The following FAM110B variants were observed in gnomAD, a reference collection of about 807,000 sequenced individuals.
The protein encoded by FAM110B is family with sequence similarity 110 member B.
In FAM110B, 6 loss-of-function variants were observed where a neutral mutation model predicts 20.4. The observed-to-expected ratio is 0.29, with a 90% confidence interval of 0.16 to 0.58. The LOEUF is 0.58. Ranked by LOEUF, FAM110B falls within the 20% of genes least tolerant of loss-of-function variation. The pLI, the probability that FAM110B is intolerant of heterozygous loss-of-function variation, is 0.90. For synonymous variants in FAM110B, 226 were observed against 214.1 expected (o/e 1.06, Z -0.49); for missense variants, 434 against 498.2 (o/e 0.87, Z 1.23).
intron 3 of FAM110B, among the ~76,000 whole-genome samples, chr8:58,125,937 TAGTAC>T (rs1807491461): frequency 6.6e-6 from 1 of 152,196 alleles, no homozygotes; most frequent in Non-Finnish European, 1.5e-5. Flanking sequence ...TATATAATTA[TAGTAC>T]AGTATCAAAC....
chr8:58,038,565 A>G (rs1219688034), intron 2 of FAM110B, among the ~76,000 whole-genome samples: 3 of 152,220 alleles, frequency 2.0e-5, no homozygotes, highest in Non-Finnish European at 4.4e-5. Context: ...CGGCCTGGCC[A>G]ACATGGTGAA....
At chr8:58,074,611 C>G (rs1330274682) in intron 2 of FAM110B, among the ~76,000 whole-genome samples, 1 of 152,136 alleles carries the variant, frequency 6.6e-6, no homozygotes, top group Non-Finnish European at 1.5e-5. Context: ...TCGTCTTAAC[C>G]CCCAGAGCCT....
chr8:58,051,582 C>T (rs1299339348), intron 2 of FAM110B, among the ~76,000 whole-genome samples: 4 of 151,938 alleles, frequency 2.6e-5, no homozygotes, highest in African/African-American at 7.3e-5. Flanking sequence ...TCGGAGAGGC[C>T]GTGTGCTTGT....
intron 1 of FAM110B, among the ~76,000 whole-genome samples, chr8:58,019,019 C>A (rs1416268644): frequency 6.6e-6 from 1 of 152,038 alleles, no homozygotes; most frequent in African/African-American, 2.4e-5. Context: ...TTTTACTTTT[C>A]AGCCAAATAT....
At chr8:58,043,330 G>T (rs930498536) in intron 2 of FAM110B, 8 of 152,228 alleles carry the variant, frequency 5.3e-5, no homozygotes, top group Non-Finnish European at 8.8e-5. Context: ...CAGACCTAAT[G>T]ATTACTTCAA....
intron 3 of FAM110B, among the ~76,000 whole-genome samples, chr8:58,082,072 A>G (rs190819261): frequency 5.4e-4 from 82 of 152,296 alleles, no homozygotes; most frequent in Non-Finnish European, 9.8e-4. Flanking sequence ...CTGTACAGGG[A>G]GCTGCGAGCA....
In FAM110B at chr8:58,044,709, T is replaced by C. The variant is rs143258847; in HGVS notation, c.-414+13006T>C. Among the ~76,000 whole-genome samples, 299 of 152,262 alleles carry C rather than the reference T, an allele frequency of 2.0e-3. 1 individual carries two copies. Among genetic ancestry groups the C allele is most frequent in the Non-Finnish European group, 2.7e-3 (182 of 68,020 alleles). On this transcript the variant is annotated intron_variant, in intron 2 of 3. Transcript: ENST00000519262. ...GAAAATAAAAACCAAATGGAAATAT[T>C]TCAGCTGTCATTTAGCTTGAAACAA...
chr8:58,042,964 A>G (rs1805250512), intron 2 of FAM110B, among the ~76,000 whole-genome samples: 1 of 152,178 alleles, frequency 6.6e-6, no homozygotes, highest in Admixed American at 6.5e-5. Context: ...TCTCTCTCAT[A>G]GCACCAGGAG....
At chr8:58,038,141 C>G (rs1391942589) in intron 2 of FAM110B, among the ~76,000 whole-genome samples, 3 of 152,194 alleles carry the variant, frequency 2.0e-5, no homozygotes, top group Admixed American at 6.5e-5. Context: ...GTGGTCCTCT[C>G]CCTGAGTGAT....
In FAM110B at chr8:58,146,590, C is replaced by A. The variant is rs1222741385; in HGVS notation, c.360C>A (p.Ile120=). ...GVQRENLKLE[I]LKNIINSSEG... Reference sequence around the variant, plus strand: ...AGAGGGAGAACCTGAAGCTGGAGATCCTGAAGAACATCATCAATAGCTCCG... The same window carrying A: ...AGAGGGAGAACCTGAAGCTGGAGATACTGAAGAACATCATCAATAGCTCCG... The change falls in exon 4 of 4, where the codon ATC becomes ATA. Residue 120 remains isoleucine (I), a synonymous_variant. Transcript: ENST00000519262. 1 of 1,614,002 alleles carries A rather than the reference C, an allele frequency of 6.2e-7. No individual in the cohort carries two copies. Among genetic ancestry groups the A allele is most frequent in the Non-Finnish European group, 8.5e-7 (1 of 1,179,954 alleles).
At chr8:58,104,784 A>G (rs1352214034) in intron 3 of FAM110B, among the ~76,000 whole-genome samples, 1 of 152,164 alleles carries the variant, frequency 6.6e-6, no homozygotes, top group East Asian at 1.9e-4. Flanking sequence ...AGTTTCTCCA[A>G]TGACATGACT....
intron 3 of FAM110B, among the ~76,000 whole-genome samples, chr8:58,138,555 G>C (rs1803674498): frequency 6.6e-6 from 1 of 152,196 alleles, no homozygotes; most frequent in Admixed American, 6.5e-5. Flanking sequence ...GCCCCAGCCA[G>C]TGTGAGATGA....
At chr8:58,030,837 C>G (rs1804949072) in intron 1 of FAM110B, among the ~76,000 whole-genome samples, 2 of 152,142 alleles carry the variant, frequency 1.3e-5, no homozygotes, top group Admixed American at 1.3e-4. Context: ...TGCCAGCTGT[C>G]CCGATAACCA....
intron 3 of FAM110B, among the ~76,000 whole-genome samples, chr8:58,133,726 C>T (rs1803544661): frequency 6.6e-6 from 1 of 152,088 alleles, no homozygotes. Flanking sequence ...GGTCACAGAC[C>T]CACATCCCCC....
At chr8:58,013,112 CCTT>C (rs1470877036) in intron 1 of FAM110B, among the ~76,000 whole-genome samples, 2 of 152,182 alleles carry the variant, frequency 1.3e-5, no homozygotes, top group East Asian at 3.9e-4. Context: ...TCTAGGATCT[CCTT>C]CTCCTGAAAT....
At chr8:58,124,592 G>A (rs185527381) in intron 3 of FAM110B, among the ~76,000 whole-genome samples, 18 of 152,316 alleles carry the variant, frequency 1.2e-4, no homozygotes, top group East Asian at 5.8e-4. Context: ...GTAGGAAGGC[G>A]CATCCTAAAT....
intron 3 of FAM110B, among the ~76,000 whole-genome samples, chr8:58,107,929 A>G (rs977825337): frequency 3.3e-5 from 5 of 152,244 alleles, no homozygotes; most frequent in Non-Finnish European, 7.3e-5. Flanking sequence ...TGATTTAAAC[A>G]TAGCTCACAG....
At chr8:57,998,015 A>G (rs1049434445) in intron 1 of FAM110B, among the ~76,000 whole-genome samples, 3 of 152,192 alleles carry the variant, frequency 2.0e-5, no homozygotes, top group Non-Finnish European at 4.4e-5. Flanking sequence ...TCTGCCTTGT[A>G]CATTCAGTTG....
At chr8:58,129,769 TG>T (rs1803405466) in intron 3 of FAM110B, among the ~76,000 whole-genome samples, 1 of 152,238 alleles carries the variant, frequency 6.6e-6, no homozygotes, top group African/African-American at 2.4e-5. Context: ...CCACGGCTGA[TG>T]AGATGCCCCG....
Sources: allele counts gnomAD v4.1 joint callset (sites outside exome capture counted in the v4.1 genomes callset), GRCh38; gene constraint gnomAD v4.1.1; transcripts MANE v1.5; gene names NCBI Gene and HGNC (gene_info 2026-07-23, HGNC 2026-07-21).